The following ARHGAP39 variants were observed in gnomAD, a reference collection of about 807,000 sequenced individuals.
ARHGAP39 encodes the protein Rho GTPase activating protein 39.
A neutral mutation model predicts 106.9 loss-of-function variants in ARHGAP39; 44 were observed. That is an observed-to-expected ratio of 0.41 (90% confidence interval 0.32 to 0.53). ARHGAP39 has a LOEUF of 0.53. Among genes scored for constraint, ARHGAP39 ranks in the 20% least tolerant of loss-of-function variants. The pLI, the probability that ARHGAP39 is intolerant of heterozygous loss-of-function variation, is 0.21. For missense variants in ARHGAP39, 1,496 were observed against 1,577.3 expected (o/e 0.95, Z 0.87); for synonymous variants, 768 against 693.2 (o/e 1.11, Z -1.69).
intron 3 of ARHGAP39, among the ~76,000 whole-genome samples, chr8:144,564,115 C>T (rs1388891922): frequency 6.6e-6 from 1 of 152,192 alleles, no homozygotes; most frequent in African/African-American, 2.4e-5. Context: ...TTGATAAATG[C>T]CTTCCAAATC....
intron 1 of ARHGAP39, among the ~76,000 whole-genome samples, chr8:144,673,535 T>C (rs995983772): frequency 2.6e-5 from 4 of 152,248 alleles, no homozygotes; most frequent in Non-Finnish European, 5.9e-5. Flanking sequence ...CCATACCTCT[T>C]GGCTGTCATC....
chr8:144,530,655 CG>C, intron 11 of ARHGAP39, 39 bp from the exon 12 acceptor site: 1 of 310,896 alleles, frequency 3.2e-6, no homozygotes, highest in Non-Finnish European at 3.9e-6. Flanking sequence ...GGGGCGGGGG[CG>C]GGGCGGGGAG....
intron 1 of ARHGAP39, among the ~76,000 whole-genome samples, chr8:144,640,886 A>T (rs559056804): frequency 4.6e-5 from 7 of 152,190 alleles, no homozygotes; most frequent in Non-Finnish European, 1.0e-4. Flanking sequence ...TTTCCGATTC[A>T]CACAGTTAGT....
At chr8:144,579,003 C>A (rs1459806720) in intron 3 of ARHGAP39, among the ~76,000 whole-genome samples, 6 of 151,646 alleles carry the variant, frequency 4.0e-5, no homozygotes, top group African/African-American at 1.2e-4. Context: ...GAGATCAAGA[C>A]CATCCTGGCT....
At chr8:144,686,960 G>A (rs1247227593), upstream of ARHGAP39, among the ~76,000 whole-genome samples, 19 of 86,906 alleles carry the variant, frequency 2.2e-4, 2 homozygotes, top group East Asian at 1.5e-3. Context: ...CCACGCACTG[G>A]CGGCGAGCAC....
chr8:144,539,449 A>G (rs1300319015), intron 6 of ARHGAP39, among the ~76,000 whole-genome samples: 1 of 152,178 alleles, frequency 6.6e-6, no homozygotes, highest in African/African-American at 2.4e-5. Flanking sequence ...TATAGATAGT[A>G]CTTTTGGAAT....
intron 8 of ARHGAP39, 27 bp downstream of exon 8, chr8:144,534,102 T>A: frequency 6.2e-7 from 1 of 1,610,740 alleles, no homozygotes; most frequent in Non-Finnish European, 8.5e-7. Context: ...CCGCCTGCCC[T>A]CCCCGGCCCC....
intron 4 of ARHGAP39, among the ~76,000 whole-genome samples, chr8:144,552,346 T>C (rs1817737824): frequency 6.6e-6 from 1 of 152,260 alleles, no homozygotes; most frequent in Non-Finnish European, 1.5e-5. Context: ...AAGCGGCTGC[T>C]GTCCCTGCAG....
rs111674562 is a variant in ARHGAP39 at position 144,676,738 on chromosome 8, G to A, written c.-82+8948C>T. On this transcript the variant is annotated intron_variant, in intron 1 of 11. Transcript: ENST00000377307. ...GGCGCCAGCCACAGCACCGGCTCCC[G>A]CCCACGCCTCTCCCTCCACACCTCT... Among the ~76,000 whole-genome samples, 1,063 of 152,194 alleles carry A rather than the reference G, an allele frequency of 7.0e-3. 11 individuals are homozygous for A. The highest frequency in any genetic ancestry group is 0.023 in the African/African-American group (959 of 41,538).
At chr8:144,534,621 T>G (rs1463913644) in intron 7 of ARHGAP39, among the ~76,000 whole-genome samples, 1 of 151,894 alleles carries the variant, frequency 6.6e-6, no homozygotes, top group Non-Finnish European at 1.5e-5. Context: ...CCTGGAGGAG[T>G]CATTTCCACC....
intron 1 of ARHGAP39, among the ~76,000 whole-genome samples, chr8:144,650,823 T>C: frequency 6.6e-6 from 1 of 152,136 alleles, no homozygotes. Flanking sequence ...GCTGGAAGCA[T>C]TCCCCTTGAA....
chr8:144,637,853 T>C (rs1821212140), intron 1 of ARHGAP39, among the ~76,000 whole-genome samples: 2 of 150,768 alleles, frequency 1.3e-5, no homozygotes, highest in African/African-American at 4.9e-5. Context: ...CACACATGGA[T>C]ATTTTTCTTT....
intron 3 of ARHGAP39, among the ~76,000 whole-genome samples, chr8:144,562,871 T>G (rs550278356): frequency 6.6e-6 from 1 of 151,762 alleles, no homozygotes; most frequent in African/African-American, 2.4e-5. Context: ...TTCCACAGAC[T>G]AACTCCAGTG....
the ARHGAP39 span, among the ~76,000 whole-genome samples, chr8:144,694,873 G>A: frequency 4.6e-3 from 701 of 152,220 alleles, 10 homozygotes; most frequent in African/African-American, 0.016. Context: ...CAGGGATGTC[G>A]TAGGCAGGAG....
intron 4 of ARHGAP39, among the ~76,000 whole-genome samples, chr8:144,553,990 CG>C (rs1431736486): frequency 6.6e-6 from 1 of 152,220 alleles, no homozygotes; most frequent in Non-Finnish European, 1.5e-5. Context: ...GGCCCTGTGT[CG>C]GGGGGCCTGG....
intron 3 of ARHGAP39, among the ~76,000 whole-genome samples, chr8:144,574,653 G>A (rs574595267): frequency 2.6e-5 from 4 of 152,256 alleles, no homozygotes; most frequent in Admixed American, 6.5e-5. Flanking sequence ...CAGCCTGGGC[G>A]ACAGAGCGAG....
chr8:144,644,033 T>C lies in ARHGAP39; in HGVS notation c.-81-38338A>G, dbSNP rs1760265921. Reference sequence around the variant, plus strand: ...TTTGGAAAACAGTTTGGCAAAAATCTACCACGTGACCCAGCAATTCCACTC... The same window carrying C: ...TTTGGAAAACAGTTTGGCAAAAATCCACCACGTGACCCAGCAATTCCACTC... On this transcript the variant is annotated intron_variant, in intron 1 of 11. Transcript: ENST00000377307. This position sits in a 1 kb window ranked among gnomAD's most constrained non-coding sequence, Gnocchi z 4.8. 6.6e-6 allele frequency among the ~76,000 whole-genome samples: 1 copy of C among 152,150 alleles called. No individual in the cohort carries two copies. Among genetic ancestry groups the C allele is most frequent in the African/African-American group, 2.4e-5 (1 of 41,424 alleles).
rs759572090 is a variant in ARHGAP39, at chr8:144,547,426, G to A, written c.1660C>T (p.Leu554=). 10 of 1,587,972 alleles carry A rather than the reference G, an allele frequency of 6.3e-6. No individual in the cohort carries two copies. The African/African-American group carries it at 9.4e-5, about 15-fold the overall frequency. The change falls in exon 5 of 12, where the codon CTG becomes TTG. Residue 554 remains leucine, a synonymous_variant. Transcript: ENST00000377307. This position sits in a 1 kb window ranked among gnomAD's most constrained non-coding sequence, Gnocchi z 5.2. ...TCCCAGGCCAGCCGAGCCTGCGCCA[G>A]GAAGGGCTCGGCCGCGCCCCGCGCC... The part of the protein sequence containing the change: ...EGARGAAEPF[L]AQARLAWEAQ...
At chr8:144,657,617 C>A (rs1821729341) in intron 1 of ARHGAP39, among the ~76,000 whole-genome samples, 1 of 152,102 alleles carries the variant, frequency 6.6e-6, no homozygotes. Context: ...CAAATTGAAT[C>A]CAGCAATAAA....
Sources: gnomAD v4.1 joint callset for allele counts (sites outside exome capture counted in the v4.1 genomes callset) on GRCh38, gnomAD v4.1.1 for gene constraint, Gnocchi (gnomAD v3.1) non-coding constraint, MANE v1.5 for transcripts, NCBI Gene and HGNC (gene_info 2026-07-23, HGNC 2026-07-21) for gene names.